The following LIPI variants were observed in gnomAD, a reference collection of about 807,000 sequenced individuals.
The protein encoded by LIPI is lipase member I.
LIPI carries 59 observed loss-of-function variants against 50.6 expected under a neutral mutation model. The ratio of observed to expected loss-of-function variants is 1.16; its 90% CI spans 0.94 to 1.45. LIPI has a LOEUF of 1.45. LIPI is among the 40% of genes most tolerant of loss of function. LIPI has a pLI of 0.00. For missense variants in LIPI, 586 were observed against 536.3 expected (o/e 1.09, Z -0.92); for synonymous variants, 203 against 178.2 (o/e 1.14, Z -1.11).
Position 14,134,328 on chromosome 21 carries a change from G to A in LIPI, c.1295+10295C>T, listed in dbSNP as rs766361253. 1.8e-4 allele frequency among the ~76,000 whole-genome samples: 27 copies of A among 152,022 alleles called. 1 individual carries two copies. The highest frequency in any genetic ancestry group is 4.4e-4 in the African/African-American group (18 of 41,334). ...AACAAATGGAAAATGGCCCGTGCTC[G>A]TGGATTGGAAAAATCAGTATCATTA... On this transcript the variant is annotated intron_variant, in intron 9 of 9. Coordinates refer to ENST00000681601, the MANE Select transcript of LIPI (RefSeq NM_001302998.2).
intron 3 of LIPI, among the ~76,000 whole-genome samples, chr21:14,182,081 A>G (rs1262857022): frequency 2.0e-5 from 3 of 152,222 alleles, no homozygotes; most frequent in Admixed American, 6.5e-5. Context: ...TTAAGCCGCA[A>G]CAAAATATTG....
At position 14,109,078 on chromosome 21, in the gene LIPI, G is replaced by A. The variant is rs942629227; in HGVS notation, c.1298C>T (p.Pro433Leu). Reference sequence around the variant, plus strand: ...TACAATATTATACCTGCAAAGTGGTGGTCTGAGAAAGAGAAAAATGGAGAG... The same window carrying A: ...TACAATATTATACCTGCAAAGTGGTAGTCTGAGAAAGAGAAAAATGGAGAG... The part of the protein sequence containing the change: ...MLKSLTYPER[P>L]PLCRYNIVLK... The change falls in exon 10 of 10, where the codon CCA (proline) becomes CTA (leucine). Residue 433 changes from proline (P) to leucine (L), a missense_variant and splice_region_variant. Pro to Leu is a moderately conservative substitution (Grantham distance 98). Transcript: ENST00000681601. 7 of 1,593,176 alleles carry A rather than the reference G, an allele frequency of 4.4e-6. No individual in the cohort carries two copies. The highest frequency in any genetic ancestry group is 1.7e-4 in the Middle Eastern group (1 of 6,016).
intron 4 of LIPI, among the ~76,000 whole-genome samples, chr21:14,170,814 G>A (rs934528990): frequency 1.6e-4 from 24 of 151,492 alleles, no homozygotes; most frequent in African/African-American, 4.6e-4. Context: ...CAAGACAGGG[G>A]TGCCCTCTCT....
At chr21:14,143,546 AT>A (rs1253696444) in intron 9 of LIPI, 2 of 152,098 alleles carry the variant, frequency 1.3e-5, no homozygotes, top group Admixed American at 1.3e-4. Context: ...CAAGAAGATA[AT>A]TAGGAAATAA....
intron 1 of LIPI, among the ~76,000 whole-genome samples, chr21:14,203,698 G>A (rs561058172): frequency 8.2e-4 from 124 of 152,144 alleles, no homozygotes; most frequent in African/African-American, 2.7e-3. Context: ...GTGTGGGTAG[G>A]GGGGAGGGAT....
intron 7 of LIPI, among the ~76,000 whole-genome samples, chr21:14,160,124 G>A (rs544297015): frequency 2.0e-5 from 3 of 151,288 alleles, no homozygotes; most frequent in South Asian, 2.1e-4. Context: ...TATAGACAAC[G>A]TTATGCTAAA....
At chr21:14,182,200 C>T (rs2019296719) in intron 3 of LIPI, among the ~76,000 whole-genome samples, 1 of 152,012 alleles carries the variant, frequency 6.6e-6, no homozygotes. Context: ...ATAATGAATA[C>T]CATCTGGTCC....
chr21:14,130,397 C>T (rs527480618), intron 9 of LIPI, among the ~76,000 whole-genome samples: 1 of 152,226 alleles, frequency 6.6e-6, no homozygotes, highest in East Asian at 1.9e-4. Context: ...TGTGCCCTGC[C>T]CTTGGACCAA....
chr21:14,111,505 T>C (rs1399939047), intron 9 of LIPI, among the ~76,000 whole-genome samples: 3 of 152,072 alleles, frequency 2.0e-5, no homozygotes, highest in Non-Finnish European at 2.9e-5. Context: ...TTATCATATA[T>C]ATACTTTGCA....
intron 1 of LIPI, among the ~76,000 whole-genome samples, chr21:14,199,846 A>G (rs2019991083): frequency 6.6e-6 from 1 of 152,006 alleles, no homozygotes; most frequent in South Asian, 2.1e-4. Flanking sequence ...CAATGCAAAA[A>G]TCCTCAACAA....
chr21:14,167,406 T>C lies in LIPI; in HGVS notation c.644-955A>G, dbSNP rs914383001. On this transcript the variant is annotated intron_variant, in intron 4 of 9. Transcript: ENST00000681601. The stretch of plus-strand genomic sequence containing the variant: ...TGGAGATCTGAGAACGGGCAGACTG[T>C]CTCCTCAAGTGGGTCCCTGACCCCC... Among the ~76,000 whole-genome samples, 6 of 152,248 alleles carry C rather than the reference T, an allele frequency of 3.9e-5. No homozygotes were observed. In the South Asian group the frequency reaches 6.2e-4, roughly 16 times the overall value.
chr21:14,127,306 A>G (rs942916599), intron 9 of LIPI, among the ~76,000 whole-genome samples: 1 of 152,208 alleles, frequency 6.6e-6, no homozygotes, highest in Non-Finnish European at 1.5e-5. Flanking sequence ...GGAAAAGCAA[A>G]TAGATGGTTT....
intron 9 of LIPI, among the ~76,000 whole-genome samples, chr21:14,139,042 C>G (rs1568844332): frequency 6.6e-6 from 1 of 152,040 alleles, no homozygotes; most frequent in Non-Finnish European, 1.5e-5. Flanking sequence ...AACCAGGATA[C>G]TCTGGCTCCA....
chr21:14,207,497 G>A (rs2020257565), intron 1 of LIPI, among the ~76,000 whole-genome samples: 1 of 152,120 alleles, frequency 6.6e-6, no homozygotes, highest in Non-Finnish European at 1.5e-5. Flanking sequence ...TGTTAGGAAA[G>A]CTGCTGAAAA....
intron 8 of LIPI, among the ~76,000 whole-genome samples, chr21:14,150,217 A>G (rs1683751398): frequency 6.6e-6 from 1 of 152,156 alleles, no homozygotes; most frequent in South Asian, 2.1e-4. Flanking sequence ...AACCACTCCC[A>G]TGATTCAATT....
intron 7 of LIPI, among the ~76,000 whole-genome samples, chr21:14,161,354 GTA>G (rs1391131864): frequency 7.0e-6 from 1 of 142,926 alleles, no homozygotes; most frequent in Non-Finnish European, 1.5e-5. Context: ...ATAATATATA[GTA>G]ATATAGGTAA....
intron 9 of LIPI, among the ~76,000 whole-genome samples, chr21:14,121,093 C>T (rs1386048282): frequency 1.3e-5 from 2 of 152,088 alleles, no homozygotes; most frequent in African/African-American, 2.4e-5. Flanking sequence ...GCATTCCCCA[C>T]CAGGACAGAA....
intron 9 of LIPI, among the ~76,000 whole-genome samples, chr21:14,125,952 T>C (rs921016964): frequency 1.3e-5 from 2 of 152,058 alleles, no homozygotes; most frequent in African/African-American, 2.4e-5. Flanking sequence ...TCATTTTTCA[T>C]TTGAGACATG....
intron 1 of LIPI, among the ~76,000 whole-genome samples, chr21:14,208,628 G>A (rs865796573): frequency 4.8e-4 from 67 of 139,298 alleles, no homozygotes; most frequent in Middle Eastern, 3.6e-3. Flanking sequence ...ATTCGTGCAC[G>A]TGCACATGCA....
Sources: allele counts gnomAD v4.1 joint callset (sites outside exome capture counted in the v4.1 genomes callset), GRCh38; gene constraint gnomAD v4.1.1; transcripts MANE v1.5; gene names NCBI Gene and HGNC (gene_info 2026-07-23, HGNC 2026-07-21).